ASIC2: variants seen among roughly 807,000 people sequenced by gnomAD.
ASIC2 encodes acid sensing ion channel subunit 2, also known as acid-sensing ion channel 2.
In ASIC2, 25 loss-of-function variants were observed where a neutral mutation model predicts 57.3. The ratio of observed to expected loss-of-function variants is 0.44; its 90% CI spans 0.32 to 0.61. The LOEUF is 0.61. Ranked by LOEUF, ASIC2 falls within the 20% of genes least tolerant of loss-of-function variation. The pLI is 0.06. For synonymous variants in ASIC2, 319 were observed against 307.5 expected, an observed-to-expected ratio of 1.04 and a Z score of -0.39; for missense variants, 641 against 738.1, an observed-to-expected ratio of 0.87 and a Z score of 1.52.
intron 1 of ASIC2, among the ~76,000 whole-genome samples, chr17:34,099,296 A>G (rs866956979): frequency 8.9e-4 from 111 of 125,342 alleles, no homozygotes; most frequent in African/African-American, 2.1e-3. Flanking sequence ...AGGAAGGAAG[A>G]AAGAAAGAGA....
intron 1 of ASIC2, chr17:33,834,514 T>A (rs1437615347): frequency 4.6e-5 from 7 of 152,170 alleles, no homozygotes; most frequent in Admixed American, 4.6e-4. Flanking sequence ...AGTCTCCTCA[T>A]CAGTGGCAGA....
At chr17:33,040,123 C>T (rs770589516) in intron 3 of ASIC2, among the ~76,000 whole-genome samples, 9 of 152,216 alleles carry the variant, frequency 5.9e-5, no homozygotes, top group Non-Finnish European at 8.8e-5. Flanking sequence ...GGTGAATAAA[C>T]GGCAGCCATG....
At chr17:33,594,381 G>C (rs1444989607) in intron 1 of ASIC2, among the ~76,000 whole-genome samples, 1 of 152,226 alleles carries the variant, frequency 6.6e-6, no homozygotes, top group Non-Finnish European at 1.5e-5. Flanking sequence ...GAGAAACCCA[G>C]TGAAGGTCAA....
chr17:34,009,116 T>C (rs1906627319), intron 1 of ASIC2, among the ~76,000 whole-genome samples: 1 of 152,186 alleles, frequency 6.6e-6, no homozygotes. Context: ...AATCCTGTTT[T>C]ATCATTTCTC....
At chr17:33,644,733 A>T (rs1475005460) in intron 1 of ASIC2, among the ~76,000 whole-genome samples, 1 of 152,230 alleles carries the variant, frequency 6.6e-6, no homozygotes, top group Non-Finnish European at 1.5e-5. Context: ...ATGTCTAGAG[A>T]TGCATACAAT....
intron 1 of ASIC2, among the ~76,000 whole-genome samples, chr17:33,143,385 T>C (rs1331334357): frequency 6.6e-6 from 1 of 152,226 alleles, no homozygotes; most frequent in Non-Finnish European, 1.5e-5. Flanking sequence ...GCATTTCACA[T>C]GTAGTTTTAA....
At chr17:34,055,809 TA>T (rs1316227257) in intron 1 of ASIC2, among the ~76,000 whole-genome samples, 4 of 152,252 alleles carry the variant, frequency 2.6e-5, no homozygotes, top group Non-Finnish European at 5.9e-5. Flanking sequence ...AATTTTTGGC[TA>T]ATGTAAATAA....
At chr17:33,419,276 A>G (rs1005764947) in intron 1 of ASIC2, among the ~76,000 whole-genome samples, 2 of 152,190 alleles carry the variant, frequency 1.3e-5, no homozygotes, top group Admixed American at 6.5e-5. Flanking sequence ...CTGTTGATCT[A>G]TGGGCAATGA....
intron 1 of ASIC2, among the ~76,000 whole-genome samples, chr17:33,590,022 C>A (rs1904775106): frequency 6.6e-6 from 1 of 152,184 alleles, no homozygotes; most frequent in Middle Eastern, 3.2e-3. Context: ...CATATAATCT[C>A]TCACTTGTCC....
intron 1 of ASIC2, among the ~76,000 whole-genome samples, chr17:33,968,269 C>T (rs1354341684): frequency 6.6e-6 from 1 of 152,204 alleles, no homozygotes; most frequent in Non-Finnish European, 1.5e-5. Context: ...AAAACGGTGC[C>T]TGCCCCCCAA....
chr17:33,299,577 CT>C (rs1318087007), intron 1 of ASIC2, among the ~76,000 whole-genome samples: 3 of 151,868 alleles, frequency 2.0e-5, no homozygotes, highest in African/African-American at 7.3e-5. Context: ...CTAATTCTCT[CT>C]TTTTCTGGGG....
At chr17:33,874,318 T>C (rs1271575910) in intron 1 of ASIC2, among the ~76,000 whole-genome samples, 1 of 152,198 alleles carries the variant, frequency 6.6e-6, no homozygotes, top group East Asian at 1.9e-4. Context: ...CCGGATAAAA[T>C]ACAGGACATC....
intron 1 of ASIC2, among the ~76,000 whole-genome samples, chr17:33,477,983 G>A (rs1326968195): frequency 6.6e-6 from 1 of 152,180 alleles, no homozygotes; most frequent in African/African-American, 2.4e-5. Flanking sequence ...CTAGTCAGAG[G>A]CCAAACTGCA....
chr17:33,757,343 T>C (rs967524140), intron 1 of ASIC2, among the ~76,000 whole-genome samples: 2 of 152,112 alleles, frequency 1.3e-5, no homozygotes, highest in African/African-American at 4.8e-5. Context: ...TTTCCCAGGG[T>C]AGGCATGGTG....
chr17:33,930,512 A>G (rs1416393706), intron 1 of ASIC2, among the ~76,000 whole-genome samples: 2 of 152,234 alleles, frequency 1.3e-5, no homozygotes, highest in African/African-American at 2.4e-5. Context: ...GCTGGAGACC[A>G]GAGCCTGGGC....
chr17:33,633,775 T>A (rs1906254518), intron 1 of ASIC2, among the ~76,000 whole-genome samples: 2 of 152,184 alleles, frequency 1.3e-5, no homozygotes, highest in South Asian at 4.1e-4. Context: ...AAAGGGTCGG[T>A]GGCAGTTCCA....
At chr17:34,039,179 CCTT>C (rs1304895595) in intron 1 of ASIC2, 13 of 1,614,032 alleles carry the variant, frequency 8.1e-6, no homozygotes, top group African/African-American at 8.0e-5. Context: ...ATTCTTCCCT[CCTT>C]CTTCTCTAAG....
chr17:33,653,349 T>C (rs1906980930), intron 1 of ASIC2, among the ~76,000 whole-genome samples: 1 of 152,214 alleles, frequency 6.6e-6, no homozygotes. Context: ...CTTTCTGTCC[T>C]TCAGTATTTA....
chr17:33,092,055 A>G (rs1191291279), intron 2 of ASIC2, among the ~76,000 whole-genome samples: 1 of 152,196 alleles, frequency 6.6e-6, no homozygotes, highest in Admixed American at 6.5e-5. Flanking sequence ...GGGTGACGAG[A>G]ACTCCGCCAT....
Sources: allele counts gnomAD v4.1 joint callset (sites outside exome capture counted in the v4.1 genomes callset), GRCh38; gene constraint gnomAD v4.1.1; transcripts MANE v1.5; gene names NCBI Gene and HGNC (gene_info 2026-07-23, HGNC 2026-07-21).